The following CARD16 variants were observed in gnomAD, a reference collection of about 807,000 sequenced individuals.
CARD16 encodes caspase recruitment domain-containing protein 16.
Under a neutral mutation model 11.9 loss-of-function variants are expected in CARD16, and 8 were observed. The observed-to-expected ratio is 0.67, with a 90% CI of 0.39 to 1.21. The LOEUF is 1.21. Ranked by LOEUF, CARD16 falls within the 50% of genes most tolerant of loss-of-function variation. The pLI is 0.01. For synonymous variants in CARD16, 44 were observed against 43.8 expected, an observed-to-expected ratio of 1.00 and a Z score of -0.02; for missense variants, 131 against 118.1, an observed-to-expected ratio of 1.11 and a Z score of -0.51.
At chr11:105,044,717 C>A (rs473394) in intron 1 of CARD16, 59 bp from the exon 2 acceptor site, 81,908 of 1,460,804 alleles carry the variant, frequency 0.056, 5,820 homozygotes, top group Admixed American at 0.19. Flanking sequence ...CCTCTCACGT[C>A]ATCAACAGAA....
intron 1 of CARD16, 27 bp downstream of exon 1, chr11:105,045,264 C>T (rs1351539260): frequency 1.2e-6 from 2 of 1,613,956 alleles, no homozygotes; most frequent in Non-Finnish European, 1.7e-6. Flanking sequence ...TCCCAGGGAC[C>T]TGTTCTTGGA....
chr11:105,045,255 C>T, intron 1 of CARD16, 36 bp downstream of exon 1: 1 of 1,613,886 alleles, frequency 6.2e-7, no homozygotes, highest in Non-Finnish European at 8.5e-7. Context: ...ACTCTTTCTT[C>T]CCAGGGACCT....
At position 105,045,180 on chromosome 11, in the gene CARD16, C is replaced by T. The variant is rs1336371225; in HGVS notation, c.7+111G>A. The stretch of plus-strand genomic sequence containing the variant: ...TCCTCCCACTCCTCCCTCTCCCTCA[C>T]TTCTGCTCACCTAAACTTCCACAGA... On this transcript the variant is annotated intron_variant, in intron 1 of 3. Coordinates refer to ENST00000673097, the MANE Select transcript of CARD16 (RefSeq NM_052889.4). 3 of 1,501,784 alleles carry T rather than the reference C, an allele frequency of 2.0e-6. No homozygotes were observed. In the Admixed American group the frequency reaches 5.0e-5, roughly 25 times the overall value. 93.0% of individuals were successfully genotyped at this position (1,501,784 alleles called of 1,614,324 possible). A position where few individuals can be genotyped will look rare whatever the true frequency, so the allele number is the denominator to read the frequency against.
chr11:105,041,816 G>A, intron 3 of CARD16, 97 bp from the exon 4 acceptor site: 2 of 1,160,430 alleles, frequency 1.7e-6, no homozygotes, highest in South Asian at 1.5e-5. Flanking sequence ...TACATTCCTA[G>A]AGGACAATCC....
At chr11:105,045,235 C>A (rs938244727) in intron 1 of CARD16, 56 bp downstream of exon 1, 2 of 1,612,934 alleles carry the variant, frequency 1.2e-6, no homozygotes, top group African/African-American at 2.7e-5. Context: ...AAGAGCCAGC[C>A]CTTTCCACAA....
chr11:105,041,871 G>C (rs1057510608), intron 3 of CARD16, 152 bp from the exon 4 acceptor site: 4 of 705,740 alleles, frequency 5.7e-6, no homozygotes, highest in African/African-American at 1.8e-5. Flanking sequence ...TGCTAATGGA[G>C]CACATTTCAA....
rs1139549 is a variant in CARD16 at position 105,043,542 on chromosome 11, G to A, written c.278C>T (p.Pro93Leu). The change falls in exon 3 of 4, where the codon CCG (proline) becomes CTG (leucine). Residue 93 changes from proline (P) to leucine (L), a missense_variant. Coordinates refer to ENST00000673097, the MANE Select transcript of CARD16 (RefSeq NM_052889.4). ...LAETLGLSAG[P>L]IPGN is the part of the protein sequence containing the mutation. ...TGTACTAAGCTAATTTCCAGGTATC[G>A]GACCTATAAAAAGATGAAGAACATT... The A allele has an allele frequency of 2.0e-4, 317 of 1,605,938 alleles. 2 individuals carry two copies. The highest frequency in any genetic ancestry group is 3.8e-4 in the Admixed American group (23 of 59,798).
intron 2 of CARD16, chr11:105,044,071 A>G: frequency 2.3e-6 from 1 of 443,574 alleles, no homozygotes; most frequent in Non-Finnish European, 4.1e-6. Flanking sequence ...ACAAAATAAT[A>G]AATCAATCAA....
chr11:105,043,008 A>C (rs1041690519), intron 3 of CARD16, among the ~76,000 whole-genome samples: 3 of 152,188 alleles, frequency 2.0e-5, no homozygotes, highest in African/African-American at 7.2e-5. Flanking sequence ...ATTTGAGAGA[A>C]GAATGCATAA....
At chr11:105,044,289 G>A (rs1017835569) in intron 2 of CARD16, 103 bp downstream of exon 2, 12 of 1,564,406 alleles carry the variant, frequency 7.7e-6, no homozygotes, top group African/African-American at 1.4e-5. Flanking sequence ...CAAAGGCAGA[G>A]ATAAGAAGAT....
In CARD16 at chr11:105,044,606, A is replaced by G; in HGVS notation, c.60T>C (p.Gly20=). ...ATTCATCCAGTAAGCCATTTATTGT[A>G]CCTTCACCCATGGAATGGATAAACA... ...RKLFIHSMGE[G]TINGLLDELL... The change falls in exon 2 of 4, where the codon GGT becomes GGC. Residue 20 remains glycine (G), a synonymous_variant. Transcript: ENST00000673097. The G allele has an allele frequency of 1.2e-6, 2 of 1,614,062 alleles. No individual in the cohort carries two copies. The highest frequency in any genetic ancestry group is 2.2e-5 in the South Asian group (2 of 91,082).
chr11:105,044,668 G>A lies in CARD16; in HGVS notation c.8-10C>T, dbSNP rs1302333914. The A allele has an allele frequency of 6.2e-6, 10 of 1,613,210 alleles. No individual in the cohort carries two copies. The highest frequency in any genetic ancestry group is 1.7e-5 in the Admixed American group (1 of 59,970). ...TCCTTCAGGACCTTGTCTGTTTGGAGCACAAGGATTTCTCACATCATGAAA... is the reference window on the plus strand; with the variant it reads ...TCCTTCAGGACCTTGTCTGTTTGGAACACAAGGATTTCTCACATCATGAAA... On this transcript the variant is annotated splice_polypyrimidine_tract_variant and intron_variant, in intron 1 of 3. Coordinates refer to ENST00000673097, the MANE Select transcript of CARD16 (RefSeq NM_052889.4).
intron 3 of CARD16, among the ~76,000 whole-genome samples, chr11:105,042,973 A>C (rs1565232817): frequency 6.6e-6 from 1 of 152,212 alleles, no homozygotes; most frequent in Non-Finnish European, 1.5e-5. Flanking sequence ...AAATAATAGA[A>C]GTAAGAATGA....
chr11:105,042,378 C>G (rs1300968496), intron 3 of CARD16, among the ~76,000 whole-genome samples: 1 of 152,150 alleles, frequency 6.6e-6, no homozygotes, highest in African/African-American at 2.4e-5. Context: ...AATGTTTTCA[C>G]AGAGTTTATG....
chr11:105,042,137 T>A (rs1456249307), intron 3 of CARD16, among the ~76,000 whole-genome samples: 4 of 152,224 alleles, frequency 2.6e-5, no homozygotes, highest in Non-Finnish European at 5.9e-5. Context: ...TATGTGTTTA[T>A]CCTTTTATTT....
In CARD16 at chr11:105,044,277, C is replaced by T. The variant is rs182957768; in HGVS notation, c.274+115G>A. On this transcript the variant is annotated intron_variant, in intron 2 of 3. Coordinates refer to ENST00000673097, the MANE Select transcript of CARD16 (RefSeq NM_052889.4). ...TAGGGCCTCTGCTACAGAAATATGGCCCAAAGGCAGAGATAAGAAGATATT... is the reference window on the plus strand; with the variant it reads ...TAGGGCCTCTGCTACAGAAATATGGTCCAAAGGCAGAGATAAGAAGATATT... The T allele has an allele frequency of 4.4e-3, 6,714 of 1,535,388 alleles. 22 individuals are homozygous for T. Among genetic ancestry groups the T allele is most frequent in the Non-Finnish European group, 5.3e-3 (5,983 of 1,126,672 alleles).
chr11:105,045,335 T>A lies in CARD16; in HGVS notation c.-38A>T. 1 of 1,613,912 alleles carries A rather than the reference T, an allele frequency of 6.2e-7. No individual in the cohort carries two copies. Among genetic ancestry groups the A allele is most frequent in the Non-Finnish European group, 8.5e-7 (1 of 1,179,814 alleles). ...CTACCCTTCTTGTGTGGGCTGAAAC[T>A]GAAAGTATGTTTCGCCTTCCTTTTT... On this transcript the variant is annotated 5_prime_UTR_variant, in exon 1 of 4. Coordinates refer to ENST00000673097, the MANE Select transcript of CARD16 (RefSeq NM_052889.4).
Position 105,045,326 on chromosome 11 carries a change from G to A in CARD16, c.-29C>T. 12 of 1,613,900 alleles carry A rather than the reference G, an allele frequency of 7.4e-6. No individual in the cohort carries two copies. The highest frequency in any genetic ancestry group is 1.0e-5 in the Non-Finnish European group (12 of 1,179,846). On this transcript the variant is annotated 5_prime_UTR_variant, in exon 1 of 4. Coordinates refer to ENST00000673097, the MANE Select transcript of CARD16 (RefSeq NM_052889.4). ...TTTTCTCTCCTACCCTTCTTGTGTG[G>A]GCTGAAACTGAAAGTATGTTTCGCC...
chr11:105,043,383 G>A, intron 3 of CARD16, 100 bp downstream of exon 3: 1 of 786,626 alleles, frequency 1.3e-6, no homozygotes, highest in Admixed American at 2.4e-5. Flanking sequence ...ATCAGTCTAT[G>A]GGAATTCTCC....
Sources: allele counts gnomAD v4.1 joint callset (sites outside exome capture counted in the v4.1 genomes callset), GRCh38; gene constraint gnomAD v4.1.1; transcripts MANE v1.5; gene names NCBI Gene and HGNC (gene_info 2026-07-23, HGNC 2026-07-21).